The following ZNF236 variants were observed in gnomAD, a reference collection of about 807,000 sequenced individuals.
ZNF236 encodes the protein regulated by glucose.
Under a neutral mutation model 191.2 loss-of-function variants are expected in ZNF236, and 50 were observed. That is an observed-to-expected ratio of 0.26 (90% CI 0.21 to 0.33). ZNF236 has a LOEUF of 0.33. Among genes scored for constraint, ZNF236 ranks in the 10% least tolerant of loss-of-function variants. The pLI is 1.00. For synonymous variants in ZNF236, 907 were observed against 928.8 expected (o/e 0.98, Z 0.43); for missense variants, 1,754 against 2,374.5 (o/e 0.74, Z 5.43).
chr18:76,853,436 TTAAAG>T (rs1407316471), intron 3 of ZNF236, among the ~76,000 whole-genome samples: 1 of 152,212 alleles, frequency 6.6e-6, no homozygotes, highest in African/African-American at 2.4e-5. Flanking sequence ...CTTTACTATT[TTAAAG>T]TAATTTATTT....
intron 3 of ZNF236, among the ~76,000 whole-genome samples, chr18:76,866,637 C>T (rs970263539): frequency 6.6e-6 from 1 of 152,178 alleles, no homozygotes; most frequent in Non-Finnish European, 1.5e-5. Context: ...TTGATGATTT[C>T]CCATGGCCAC....
rs78961365 is a variant in ZNF236 at position 76,969,346 on chromosome 18, A to T, written c.*1007A>T. The T allele has an allele frequency of 6.5e-6, 1 of 152,802 alleles. No homozygotes were observed. The highest frequency in any genetic ancestry group is 1.9e-4 in the East Asian group (1 of 5,194). 9.5% of individuals were successfully genotyped at this position (152,802 alleles called of 1,614,324 possible). ...CACCCGTGCTGGGCAGAGTGCGTGCACGCCATTCCTACAGCATTCCAAAGA... is the reference window on the plus strand; with the variant it reads ...CACCCGTGCTGGGCAGAGTGCGTGCTCGCCATTCCTACAGCATTCCAAAGA... On this transcript the variant is annotated 3_prime_UTR_variant, in exon 31 of 31. Coordinates refer to ENST00000320610, the MANE Select transcript of ZNF236 (RefSeq NM_001306089.2).
At chr18:76,905,009 T>C (rs1031231883) in intron 12 of ZNF236, 146 bp from the exon 13 acceptor site, 11 of 869,198 alleles carry the variant, frequency 1.3e-5, no homozygotes, top group African/African-American at 5.1e-5. Flanking sequence ...CTTCCTCCCT[T>C]GTGAAATGTG....
chr18:76,909,457 T>C (rs1967157491), intron 14 of ZNF236, among the ~76,000 whole-genome samples: 3 of 152,134 alleles, frequency 2.0e-5, no homozygotes, highest in African/African-American at 4.8e-5. Flanking sequence ...GTACACTCAG[T>C]GTAGATTCAA....
intron 1 of ZNF236, among the ~76,000 whole-genome samples, chr18:76,845,710 G>A (rs568176944): frequency 3.9e-5 from 6 of 152,222 alleles, no homozygotes; most frequent in Middle Eastern, 3.4e-3. Context: ...TTAGCCAGGC[G>A]TGGTGGCGCA....
chr18:76,873,022 G>C (rs944313933), intron 5 of ZNF236, among the ~76,000 whole-genome samples: 1 of 152,104 alleles, frequency 6.6e-6, no homozygotes, highest in East Asian at 1.9e-4. Context: ...AATATTTTTA[G>C]AGCATCAGTT....
In ZNF236 at chr18:76,925,196, G is replaced by A. The variant is rs1216618133; in HGVS notation, c.3669G>A (p.Lys1223=). ...DCHVKTHTGQ[K]LFSCHVCSNA... ...TGGCTGGGCTTTTCACAGGTCAGAAGCTCTTCAGCTGTCACGTCTGCAGCA... is the reference window on the plus strand; with the variant it reads ...TGGCTGGGCTTTTCACAGGTCAGAAACTCTTCAGCTGTCACGTCTGCAGCA... The change falls in exon 22 of 31, where the codon AAG becomes AAA. Residue 1223 remains lysine, a synonymous_variant. Coordinates refer to ENST00000320610, the MANE Select transcript of ZNF236 (RefSeq NM_001306089.2). The surrounding 1 kb of genome is among the most constrained non-coding windows in gnomAD (Gnocchi z 5.7). The A allele has an allele frequency of 6.2e-7, 1 of 1,612,626 alleles. No homozygotes were observed. The highest frequency in any genetic ancestry group is 2.2e-5 in the East Asian group (1 of 44,858).
rs368740472 is a variant in ZNF236 at position 76,908,375 on chromosome 18, A to G, written c.2353A>G (p.Ser785Gly). Residue 785 changes from serine to glycine, a missense_variant, in exon 14 of 31, where the codon AGC (serine) becomes GGC (glycine). Physicochemically the swap from Ser to Gly is moderately conservative, Grantham distance 56 (BLOSUM62 0). This residue lies in a region of ZNF236 where 641 missense variants were observed against 869.6 expected (regional missense o/e 0.74). Coordinates refer to ENST00000320610, the MANE Select transcript of ZNF236 (RefSeq NM_001306089.2). ...TCAGCAGGCAGCCTCGATAGATGAC[A>G]GCACTGTAGACCAGCAGAGCATGCA... ...QHQQAASIDD[S>G]TVDQQSMQAS... 6.2e-6 allele frequency: 10 copies of G among 1,614,116 alleles called. No individual in the cohort carries two copies. In the African/African-American group the frequency reaches 1.2e-4, roughly 19 times the overall value.
At chr18:76,883,678 C>T (rs994950925) in intron 9 of ZNF236, among the ~76,000 whole-genome samples, 2 of 152,060 alleles carry the variant, frequency 1.3e-5, no homozygotes, top group African/African-American at 2.4e-5. Context: ...TCCTCTTGCC[C>T]CAGCCTCCCA....
rs184056934 is a variant in ZNF236, at chr18:76,851,646, C to G, written c.199-129C>G. 344 of 969,246 alleles carry G rather than the reference C, an allele frequency of 3.5e-4. 1 individual carries two copies. In the East Asian group the frequency reaches 8.2e-3, roughly 23 times the overall value. 60.0% of individuals were successfully genotyped at this position (969,246 alleles called of 1,614,324 possible). A position where few individuals can be genotyped will look rare whatever the true frequency, so the allele number is the denominator to read the frequency against. On this transcript the variant is annotated intron_variant, in intron 2 of 30. Coordinates refer to ENST00000320610, the MANE Select transcript of ZNF236 (RefSeq NM_001306089.2). The stretch of plus-strand genomic sequence containing the variant: ...ATTTTGGATTTATTGACTTAAGAGC[C>G]AGAGGAGACTTCAGAAGTTTCTGTA...
At chr18:76,866,076 A>G (rs1255753020) in intron 3 of ZNF236, among the ~76,000 whole-genome samples, 2 of 152,242 alleles carry the variant, frequency 1.3e-5, no homozygotes, top group Non-Finnish European at 2.9e-5. Flanking sequence ...AATTTTTCTT[A>G]AAAGTCACAT....
At chr18:76,851,432 C>T (rs922883893) in intron 2 of ZNF236, among the ~76,000 whole-genome samples, 2 of 152,012 alleles carry the variant, frequency 1.3e-5, no homozygotes, top group Non-Finnish European at 2.9e-5. Context: ...TGCCTGGGCA[C>T]AGAAATATGT....
At chr18:76,833,937 C>T (rs1303117856) in intron 1 of ZNF236, among the ~76,000 whole-genome samples, 1 of 152,126 alleles carries the variant, frequency 6.6e-6, no homozygotes, top group East Asian at 1.9e-4. Flanking sequence ...GCAGTCCTCT[C>T]ACCTCGGCCT....
rs769373418 is a variant in ZNF236, at chr18:76,919,608, G to A, written c.3275-168G>A. 6.6e-6 allele frequency among the ~76,000 whole-genome samples: 1 copy of A among 151,882 alleles called. No homozygotes were observed. Among genetic ancestry groups the A allele is most frequent in the African/African-American group, 2.4e-5 (1 of 41,300 alleles). On this transcript the variant is annotated intron_variant, in intron 19 of 30. Transcript: ENST00000320610. This position sits in a 1 kb window ranked among gnomAD's most constrained non-coding sequence, Gnocchi z 5.3. ...TGGCTGTTTTCTTTCCATGACCTAA[G>A]TTTCTCAATAGAGGTGGGAAAATAT... is the stretch of plus-strand genomic sequence containing the variant.
At chr18:76,916,064 C>T (rs1227844468) in intron 19 of ZNF236, among the ~76,000 whole-genome samples, 3 of 152,218 alleles carry the variant, frequency 2.0e-5, no homozygotes, top group African/African-American at 7.2e-5. Context: ...AAGAAAACAT[C>T]TGCTCTTACA....
chr18:76,936,444 A>G (rs761036210), intron 25 of ZNF236: 4 of 456,090 alleles, frequency 8.8e-6, no homozygotes, highest in Non-Finnish European at 1.3e-5. Context: ...TTGTAAAAGA[A>G]AAGCCCTTTC....
intron 1 of ZNF236, among the ~76,000 whole-genome samples, 166 bp downstream of exon 1, chr18:76,822,828 C>G (rs1258566836): frequency 2.1e-5 from 3 of 146,268 alleles, no homozygotes; most frequent in East Asian, 2.0e-4. Context: ...CGGGCCGCAG[C>G]GCGGGCGGAA....
At chr18:76,886,070 A>G (rs1977044863) in intron 9 of ZNF236, 1 of 152,240 alleles carries the variant, frequency 6.6e-6, no homozygotes, top group Admixed American at 6.5e-5. Flanking sequence ...AGATTCCTCA[A>G]TTAATGCTTG....
At chr18:76,885,061 A>G (rs1977008876) in intron 9 of ZNF236, 1 of 152,178 alleles carries the variant, frequency 6.6e-6, no homozygotes, top group South Asian at 2.1e-4. Context: ...TGTGAAGTAG[A>G]CCCAGGGAGA....
Sources: allele counts gnomAD v4.1 joint callset (sites outside exome capture counted in the v4.1 genomes callset), GRCh38; gene constraint gnomAD v4.1.1; regional missense constraint gnomAD v4.1.1; non-coding constraint Gnocchi (gnomAD v3.1); transcripts MANE v1.5; gene names NCBI Gene and HGNC (gene_info 2026-07-23, HGNC 2026-07-21).